WDR88: variants seen among roughly 807,000 people sequenced by gnomAD.
WDR88 encodes WD repeat-containing protein 88.
WDR88 carries 40 observed loss-of-function variants against 46.8 expected under a neutral mutation model. The observed-to-expected ratio is 0.86, with a 90% CI of 0.66 to 1.11. The LOEUF (loss-of-function observed/expected upper bound fraction) is 1.11, where lower values mean the gene tolerates loss of function less well. Among genes scored for constraint, WDR88 ranks in the 50% most tolerant of loss-of-function variants. WDR88 has a pLI of 0.00. For synonymous variants in WDR88, 235 were observed against 240.7 expected, an observed-to-expected ratio of 0.98 and a Z score of 0.22; for missense variants, 562 against 602.4, an observed-to-expected ratio of 0.93 and a Z score of 0.70.
chr19:33,133,198 T>TATATAGAGAG (rs1555723214), intron 1 of WDR88, among the ~76,000 whole-genome samples: 1 of 79,722 alleles, frequency 1.3e-5, no homozygotes, highest in African/African-American at 3.3e-5. Flanking sequence ...TAAATAAATA[T>TATATAGAGAG]AGAGAGAGAG....
chr19:33,155,097 T>C (rs778812783), intron 6 of WDR88, among the ~76,000 whole-genome samples: 3 of 152,196 alleles, frequency 2.0e-5, no homozygotes, highest in Admixed American at 6.6e-5. Flanking sequence ...CTTTTTATTA[T>C]TATTATTTTT....
chr19:33,159,501 T>C (rs1270110003), intron 7 of WDR88, among the ~76,000 whole-genome samples: 5 of 152,148 alleles, frequency 3.3e-5, no homozygotes. Context: ...CAGCTGTTGG[T>C]TGTGAGTTCA....
Position 33,156,239 on chromosome 19 carries a change from T to G in WDR88, c.810-116T>G, listed in dbSNP as rs938611121. 3.5e-5 allele frequency: 37 copies of G among 1,057,392 alleles called. No individual in the cohort carries two copies. In the Admixed American group the frequency reaches 8.2e-4, roughly 24 times the overall value. 65.5% of individuals were successfully genotyped at this position (1,057,392 alleles called of 1,614,324 possible). The stretch of plus-strand genomic sequence containing the variant: ...TTCAGGTCCTCTTGGGGCGAAGTGC[T>G]AGCATGTGCAGCCCGACCATGAGCT... On this transcript the variant is annotated intron_variant, in intron 6 of 10. Transcript: ENST00000355868.
intron 6 of WDR88, among the ~76,000 whole-genome samples, chr19:33,154,202 G>T (rs1264881554): frequency 6.6e-6 from 1 of 151,978 alleles, no homozygotes; most frequent in Admixed American, 6.6e-5. Flanking sequence ...TATTTATTTA[G>T]AAATTGCTAT....
chr19:33,163,740 C>T (rs1359126252), intron 8 of WDR88, among the ~76,000 whole-genome samples: 1 of 150,566 alleles, frequency 6.6e-6, no homozygotes, highest in Non-Finnish European at 1.5e-5. Context: ...TCCGGTGACT[C>T]TCCCACCTTA....
chr19:33,157,979 C>T lies in WDR88; in HGVS notation c.997+1437C>T, dbSNP rs1973794328. Among the ~76,000 whole-genome samples, 7 of 151,944 alleles carry T rather than the reference C, an allele frequency of 4.6e-5. No homozygotes were observed. In the South Asian group the frequency reaches 1.2e-3, roughly 27 times the overall value. ...TGCAGAGCTAGGGTTGGGGTCAGAA[C>T]CCCCTGATGCAGAGGGACTAAGAGT... On this transcript the variant is annotated intron_variant, in intron 7 of 10. Transcript: ENST00000355868.
intron 6 of WDR88, among the ~76,000 whole-genome samples, chr19:33,155,283 G>A (rs903063411): frequency 6.6e-6 from 1 of 152,050 alleles, no homozygotes; most frequent in Non-Finnish European, 1.5e-5. Flanking sequence ...TGGGACTACA[G>A]GCATGTGCCA....
intron 7 of WDR88, among the ~76,000 whole-genome samples, chr19:33,157,185 A>G (rs982187205): frequency 1.3e-5 from 2 of 151,192 alleles, no homozygotes; most frequent in African/African-American, 4.9e-5. Flanking sequence ...CAACAGAGTG[A>G]GACCCTGTGT....
intron 2 of WDR88, among the ~76,000 whole-genome samples, chr19:33,143,246 G>T (rs971853849): frequency 4.7e-5 from 7 of 150,140 alleles, no homozygotes; most frequent in Admixed American, 3.3e-4. Flanking sequence ...GAGATGGGAG[G>T]ATTGCTGGAG....
chr19:33,172,383 T>C lies in WDR88; in HGVS notation c.1185T>C (p.Ile395=), dbSNP rs772254326. Residue 395 remains isoleucine, a synonymous_variant, in exon 10 of 11, where the codon ATT becomes ATC. Transcript: ENST00000355868. ...RTMRLWNIEE[I]DEIPLVIKYK... ...TGAGACTGTGGAATATTGAAGAAAT[T>C]GATGAAATTCCTTTGGTAATCAAGT... The C allele has an allele frequency of 6.2e-7, 1 of 1,613,938 alleles. No homozygotes were observed. The highest frequency in any genetic ancestry group is 8.5e-7 in the Non-Finnish European group (1 of 1,179,992).
At chr19:33,161,453 C>T (rs1464617875) in intron 8 of WDR88, among the ~76,000 whole-genome samples, 2 of 152,104 alleles carry the variant, frequency 1.3e-5, no homozygotes, top group Non-Finnish European at 2.9e-5. Flanking sequence ...GTTTCACGAT[C>T]TCACTGTCAC....
intron 2 of WDR88, among the ~76,000 whole-genome samples, chr19:33,138,276 T>C (rs1424428040): frequency 6.6e-6 from 1 of 152,174 alleles, no homozygotes; most frequent in Non-Finnish European, 1.5e-5. Context: ...GGTCTTGAAC[T>C]CCTGACCTCA....
At chr19:33,172,629 G>A (rs529119454) in intron 10 of WDR88, among the ~76,000 whole-genome samples, 189 bp downstream of exon 10, 172 of 152,282 alleles carry the variant, frequency 1.1e-3, no homozygotes, top group Non-Finnish European at 2.1e-3. Context: ...AAAATGTGTA[G>A]TAAGTCTCAT....
At chr19:33,148,719 G>A (rs896424196) in intron 4 of WDR88, 53 bp from the exon 5 acceptor site, 2 of 1,611,980 alleles carry the variant, frequency 1.2e-6, no homozygotes, top group African/African-American at 2.7e-5. Flanking sequence ...GTTTACAGGT[G>A]TAACACACCA....
intron 5 of WDR88, 116 bp from the exon 6 acceptor site, chr19:33,151,065 C>A: frequency 8.1e-7 from 1 of 1,236,068 alleles, no homozygotes; most frequent in Non-Finnish European, 1.1e-6. Context: ...TGTGTAGCTC[C>A]TGATGAAAAC....
At chr19:33,148,331 T>C (rs886924972) in intron 4 of WDR88, among the ~76,000 whole-genome samples, 6 of 152,194 alleles carry the variant, frequency 3.9e-5, no homozygotes, top group African/African-American at 1.4e-4. Context: ...CCTTCCTCCT[T>C]CCTTTCCTTA....
At chr19:33,167,737 CTCT>C (rs1028664361) in intron 9 of WDR88, among the ~76,000 whole-genome samples, 9 of 150,646 alleles carry the variant, frequency 6.0e-5, no homozygotes, top group African/African-American at 1.7e-4. Flanking sequence ...GCCTTCCCTC[CTCT>C]TTTCTCTTCT....
At chr19:33,173,710 G>A (rs1568373572) in intron 10 of WDR88, among the ~76,000 whole-genome samples, 1 of 152,246 alleles carries the variant, frequency 6.6e-6, no homozygotes, top group Non-Finnish European at 1.5e-5. Context: ...TTGCTACAGA[G>A]CAGTGATGGC....
In WDR88 at chr19:33,174,359, C is replaced by T. The variant is rs915425080; in HGVS notation, c.1243-1037C>T. ...CTGGAGTGGGCAGAACAGCAAAGCCCAGGGGCTGGGAGAGCCAGGGCAGGG... is the reference window on the plus strand; with the variant it reads ...CTGGAGTGGGCAGAACAGCAAAGCCTAGGGGCTGGGAGAGCCAGGGCAGGG... On this transcript the variant is annotated intron_variant, in intron 10 of 10. Coordinates refer to ENST00000355868, the MANE Select transcript of WDR88 (RefSeq NM_173479.4). 37 of 1,444,340 alleles carry T rather than the reference C, an allele frequency of 2.6e-5. No homozygotes were observed. In the African/African-American group the frequency reaches 4.9e-4, roughly 19 times the overall value. The allele number at this position is 1,444,340 out of a possible 1,614,324, so 89.5% of individuals were successfully genotyped here.
Sources: allele counts gnomAD v4.1 joint callset (sites outside exome capture counted in the v4.1 genomes callset), GRCh38; gene constraint gnomAD v4.1.1; transcripts MANE v1.5; gene names NCBI Gene and HGNC (gene_info 2026-07-23, HGNC 2026-07-21).